The following PLEKHA6 variants were observed in gnomAD, a reference collection of about 807,000 sequenced individuals.
PLEKHA6 encodes pleckstrin homology domain-containing family A member 6.
A neutral mutation model predicts 116.7 loss-of-function variants in PLEKHA6; 60 were observed. The observed-to-expected ratio is 0.51, with a 90% CI of 0.42 to 0.64. The LOEUF is 0.64. Ranked by LOEUF, PLEKHA6 falls within the 30% of genes least tolerant of loss-of-function variation. The probability of loss-of-function intolerance (pLI) is 0.00; values close to 1 mark genes in which losing one functional copy is unlikely to be tolerated. For missense variants in PLEKHA6, 1,338 were observed against 1,422.7 expected, an observed-to-expected ratio of 0.94 and a Z score of 0.96; for synonymous variants, 489 against 556.1, an observed-to-expected ratio of 0.88 and a Z score of 1.70.
intron 1 of PLEKHA6, 81 bp downstream of exon 1, chr1:204,359,613 A>T (rs1996002): frequency 0.77 from 756,353 of 984,928 alleles, 297,670 homozygotes; most frequent in Non-Finnish European, 0.81. Context: ...CTCACGCGGC[A>T]GACAGGCAGC....
intron 1 of PLEKHA6, among the ~76,000 whole-genome samples, chr1:204,352,243 G>C (rs542140678): frequency 2.1e-4 from 32 of 150,178 alleles, no homozygotes; most frequent in Admixed American, 2.1e-3. Context: ...GCATGGTGGC[G>C]CATGCCTTGT....
Position 204,223,448 on chromosome 1 carries a change from A to G in PLEKHA6, c.*8+14T>C, listed in dbSNP as rs1443380747. On this transcript the variant is annotated intron_variant, in intron 22 of 22. Transcript: ENST00000272203. The surrounding 1 kb of genome is among the most constrained non-coding windows in gnomAD (Gnocchi z 4.8). ...ACTCCCGAGGTGGATGAAATACAGT[A>G]GAAAAGTGCTTACGTCAGAGCTCAG... is the stretch of plus-strand genomic sequence containing the variant. The G allele has an allele frequency of 7.2e-7, 1 of 1,384,574 alleles. No individual in the cohort carries two copies. Among genetic ancestry groups the G allele is most frequent in the Non-Finnish European group, 1.0e-6 (1 of 994,194 alleles). 85.8% of individuals were successfully genotyped at this position (1,384,574 alleles called of 1,614,324 possible). A position where few individuals can be genotyped will look rare whatever the true frequency, so the allele number is the denominator to read the frequency against.
intron 1 of PLEKHA6, among the ~76,000 whole-genome samples, chr1:204,372,913 CT>C (rs58973900): frequency 0.86 from 113,518 of 132,654 alleles, 48,227 homozygotes; most frequent in African/African-American, 0.89. Context: ...CCCTGAAAAA[CT>C]TTTTTTTTTT....
chr1:204,259,105 G>C lies in PLEKHA6; in HGVS notation c.1007+153C>G, dbSNP rs1665747685. Among the ~76,000 whole-genome samples, 1 of 152,234 alleles carries C rather than the reference G, an allele frequency of 6.6e-6. No homozygotes were observed. The highest frequency in any genetic ancestry group is 1.5e-5 in the Non-Finnish European group (1 of 68,036). On this transcript the variant is annotated intron_variant, in intron 8 of 22. Transcript: ENST00000272203. This position sits in a 1 kb window ranked among gnomAD's most constrained non-coding sequence, Gnocchi z 4.6. ...GGAGCCATGGGGCAGGCAGGATTTGGGCAAGCCAGGAAGCATGGGATTTGC... is the reference window on the plus strand; with the variant it reads ...GGAGCCATGGGGCAGGCAGGATTTGCGCAAGCCAGGAAGCATGGGATTTGC...
intron 1 of PLEKHA6, among the ~76,000 whole-genome samples, chr1:204,337,145 T>C (rs1388190413): frequency 6.6e-6 from 1 of 152,230 alleles, no homozygotes; most frequent in African/African-American, 2.4e-5. Context: ...GGCAACTCTA[T>C]GCCATATATC....
intron 1 of PLEKHA6, chr1:204,281,119 C>A (rs573545483): frequency 3.3e-6 from 1 of 299,778 alleles, no homozygotes; most frequent in South Asian, 1.3e-4. Flanking sequence ...CCCAGGAGGT[C>A]GAGACTGCAG....
chr1:204,352,467 G>A (rs985442860), intron 1 of PLEKHA6, among the ~76,000 whole-genome samples: 6 of 152,112 alleles, frequency 3.9e-5, no homozygotes, highest in African/African-American at 9.7e-5. Context: ...TTGCCGCTGC[G>A]GAGACTTCAG....
At chr1:204,361,243 CTT>C (rs1394787475), upstream of PLEKHA6, among the ~76,000 whole-genome samples, 1 of 152,206 alleles carries the variant, frequency 6.6e-6, no homozygotes, top group Non-Finnish European at 1.5e-5. Flanking sequence ...AATTAAGCCT[CTT>C]GACTCCAATA....
At chr1:204,317,491 C>CAGGAG in intron 1 of PLEKHA6, among the ~76,000 whole-genome samples, 1 of 152,294 alleles carries the variant, frequency 6.6e-6, no homozygotes, top group East Asian at 1.9e-4. Context: ...CATCTAGGAA[C>CAGGAG]AGGAGGCACC....
chr1:204,258,672 G>T (rs1376914645), intron 8 of PLEKHA6, among the ~76,000 whole-genome samples: 1 of 152,246 alleles, frequency 6.6e-6, no homozygotes, highest in Non-Finnish European at 1.5e-5. Context: ...TGCCCTGAGG[G>T]ACACCATTGG....
At chr1:204,316,497 G>T (rs1671865302) in intron 1 of PLEKHA6, among the ~76,000 whole-genome samples, 2 of 152,158 alleles carry the variant, frequency 1.3e-5, no homozygotes, top group African/African-American at 4.8e-5. Flanking sequence ...AGGATATGTG[G>T]GGGTAGGGTT....
intron 1 of PLEKHA6, among the ~76,000 whole-genome samples, chr1:204,373,382 C>T (rs1673811650): frequency 7.5e-6 from 1 of 133,540 alleles, no homozygotes; most frequent in African/African-American, 3.6e-5. Context: ...TGCACCTGGT[C>T]TCTGGCTATT....
At chr1:204,281,545 G>A (rs1224459506) in intron 1 of PLEKHA6, among the ~76,000 whole-genome samples, 2 of 148,482 alleles carry the variant, frequency 1.3e-5, no homozygotes, top group South Asian at 2.1e-4. Flanking sequence ...AAAAAACAGA[G>A]TAAGACCCCT....
At chr1:204,288,319 C>G (rs545339186) in intron 1 of PLEKHA6, among the ~76,000 whole-genome samples, 1 of 152,186 alleles carries the variant, frequency 6.6e-6, no homozygotes, top group South Asian at 2.1e-4. Context: ...CTACTCTGCC[C>G]TGAGAAAGTA....
intron 1 of PLEKHA6, among the ~76,000 whole-genome samples, chr1:204,349,285 T>A (rs1183391423): frequency 6.6e-6 from 1 of 152,154 alleles, no homozygotes; most frequent in East Asian, 1.9e-4. Context: ...ACGCCTATAA[T>A]CCCAGCACTT....
intron 1 of PLEKHA6, among the ~76,000 whole-genome samples, chr1:204,333,920 T>A (rs1672547612): frequency 6.6e-6 from 1 of 152,236 alleles, no homozygotes; most frequent in Non-Finnish European, 1.5e-5. Context: ...CTCCTGATCA[T>A]TGACAAGCTT....
chr1:204,257,232 A>G lies in PLEKHA6; in HGVS notation c.1524+121T>C. 1 of 953,396 alleles carries G rather than the reference A, an allele frequency of 1.0e-6. No homozygotes were observed. Among genetic ancestry groups the G allele is most frequent in the Non-Finnish European group, 1.6e-6 (1 of 625,424 alleles). The allele number at this position is 953,396 out of a possible 1,614,324, so 59.1% of individuals were successfully genotyped here. A position where few individuals can be genotyped will look rare whatever the true frequency, so the allele number is the denominator to read the frequency against. On this transcript the variant is annotated intron_variant, in intron 9 of 22. Coordinates refer to ENST00000272203, the MANE Select transcript of PLEKHA6 (RefSeq NM_014935.5). The surrounding 1 kb of genome is among the most constrained non-coding windows in gnomAD (Gnocchi z 6.5). ...CTGGGCAGCACTGCTGGTCCTGCAG[A>G]CAAACGGCCCAGTGGCCCCGTGGCA...
At chr1:204,350,780 C>T (rs561415117) in intron 1 of PLEKHA6, among the ~76,000 whole-genome samples, 8 of 152,296 alleles carry the variant, frequency 5.3e-5, no homozygotes, top group South Asian at 2.1e-4. Context: ...GCTCCTGAGC[C>T]GCCCTGTCAA....
In PLEKHA6 at chr1:204,233,802, A is replaced by G. The variant is rs564161416; in HGVS notation, c.2410-3216T>C. Among the ~76,000 whole-genome samples the G allele has an allele frequency of 7.9e-5, 12 of 152,280 alleles. No individual in the cohort carries two copies. The South Asian group carries it at 2.1e-3, about 26-fold the overall frequency. ...GAGAGATTTTGCCCCAAAATGGATC[A>G]TACCTAGAGTTTCATGCATACCAGA... On this transcript the variant is annotated intron_variant, in intron 17 of 22. Transcript: ENST00000272203.
Sources: gnomAD v4.1 joint callset for allele counts (sites outside exome capture counted in the v4.1 genomes callset) on GRCh38, gnomAD v4.1.1 for gene constraint, Gnocchi (gnomAD v3.1) non-coding constraint, MANE v1.5 for transcripts, NCBI Gene and HGNC (gene_info 2026-07-23, HGNC 2026-07-21) for gene names.